Variants in MRTFA observed in about 807,000 individuals in gnomAD.
The protein encoded by MRTFA is myocardin-related transcription factor A.
A neutral mutation model predicts 83.5 loss-of-function variants in MRTFA; 20 were observed. The observed-to-expected ratio is 0.24, with a 90% CI of 0.17 to 0.35. The LOEUF is 0.35. Ranked by LOEUF, MRTFA falls within the 10% of genes least tolerant of loss-of-function variation. The pLI is 1.00. For missense variants in MRTFA, 1,200 were observed against 1,224.7 expected, an observed-to-expected ratio of 0.98 and a Z score of 0.30; for synonymous variants, 659 against 541.2, an observed-to-expected ratio of 1.22 and a Z score of -3.02.
chr22:40,413,634 G>A (rs111985546), intron 14 of MRTFA, among the ~76,000 whole-genome samples: 11,197 of 151,518 alleles, frequency 0.074, 607 homozygotes, highest in African/African-American at 0.15. Flanking sequence ...TAGTAAAGAC[G>A]GGGTTTCACC....
At chr22:40,476,708 C>T (rs1400862837) in intron 3 of MRTFA, among the ~76,000 whole-genome samples, 1 of 152,118 alleles carries the variant, frequency 6.6e-6, no homozygotes, top group African/African-American at 2.4e-5. Flanking sequence ...CCACCGCGGC[C>T]TCCCAAAGTG....
At chr22:40,520,784 C>T (rs1275431432) in intron 3 of MRTFA, among the ~76,000 whole-genome samples, 1 of 152,066 alleles carries the variant, frequency 6.6e-6, no homozygotes, top group Non-Finnish European at 1.5e-5. Context: ...TATGGATATA[C>T]CATATTTTGT....
rs149669889 is a variant in MRTFA, at chr22:40,423,987, C to T, written c.777+219G>A. On this transcript the variant is annotated intron_variant, in intron 8 of 14. Transcript: ENST00000355630. Reference sequence around the variant, plus strand: ...CCCACTGCAAGGCAGCCATGGCCAGCGTCGTCCTCCACCTGACCTCTGGCT... The same window carrying T: ...CCCACTGCAAGGCAGCCATGGCCAGTGTCGTCCTCCACCTGACCTCTGGCT... 3.9e-3 allele frequency among the ~76,000 whole-genome samples: 597 copies of T among 152,336 alleles called. 12 individuals carry two copies. Among genetic ancestry groups the T allele is most frequent in the Non-Finnish European group, 1.4e-3 (98 of 68,028 alleles).
chr22:40,426,438 T>G (rs908277470), intron 7 of MRTFA, among the ~76,000 whole-genome samples: 2 of 152,302 alleles, frequency 1.3e-5, no homozygotes, highest in African/African-American at 4.8e-5. Flanking sequence ...CACAGAACTA[T>G]TGAGCAAATG....
intron 1 of MRTFA, among the ~76,000 whole-genome samples, chr22:40,627,830 G>A (rs922446448): frequency 9.2e-5 from 14 of 152,200 alleles, no homozygotes; most frequent in East Asian, 5.8e-4. Flanking sequence ...AAATTTAGCC[G>A]GGCATGATGG....
At chr22:40,536,402 C>T (rs1456645377) in intron 3 of MRTFA, among the ~76,000 whole-genome samples, 4 of 150,524 alleles carry the variant, frequency 2.7e-5, no homozygotes, top group African/African-American at 4.9e-5. Flanking sequence ...GCGGCGCCGG[C>T]GAGCGCCGCC....
At chr22:40,417,864 G>A (rs751055203) in intron 12 of MRTFA, 4 of 261,144 alleles carry the variant, frequency 1.5e-5, no homozygotes, top group Admixed American at 1.5e-4. Flanking sequence ...GCAGGACCAC[G>A]AGGCTACATA....
intron 3 of MRTFA, among the ~76,000 whole-genome samples, chr22:40,484,658 C>T (rs1234457944): frequency 6.6e-6 from 1 of 152,148 alleles, no homozygotes; most frequent in Non-Finnish European, 1.5e-5. Flanking sequence ...TAAAGCAGAA[C>T]TTAAATAAAT....
intron 2 of MRTFA, among the ~76,000 whole-genome samples, chr22:40,574,440 A>ATTATTT (rs764460675): frequency 8.1e-5 from 12 of 147,786 alleles, no homozygotes; most frequent in East Asian, 4.0e-4. Context: ...TATTATTATT[A>ATTATTT]TTTTTTTTTT....
chr22:40,475,237 G>C (rs1470606033), intron 3 of MRTFA, among the ~76,000 whole-genome samples: 1 of 151,990 alleles, frequency 6.6e-6, no homozygotes, highest in African/African-American at 2.4e-5. Flanking sequence ...AACTGGCCCT[G>C]TCTTTAAGAT....
At chr22:40,609,468 C>G (rs1602491605) in intron 1 of MRTFA, among the ~76,000 whole-genome samples, 2 of 140,456 alleles carry the variant, frequency 1.4e-5, no homozygotes, top group East Asian at 4.2e-4. Context: ...CAGAGTGAGA[C>G]CCTGTCTCTT....
intron 3 of MRTFA, among the ~76,000 whole-genome samples, chr22:40,484,193 T>C (rs1311745876): frequency 6.6e-6 from 1 of 152,074 alleles, no homozygotes; most frequent in Non-Finnish European, 1.5e-5. Context: ...ATTCTCACTC[T>C]TCAGTCCTAA....
At chr22:40,591,944 T>C (rs979864972) in intron 2 of MRTFA, among the ~76,000 whole-genome samples, 33 of 152,194 alleles carry the variant, frequency 2.2e-4, no homozygotes, top group African/African-American at 7.2e-4. Flanking sequence ...TCTTCTTTCA[T>C]AGATATATGC....
At chr22:40,570,144 C>T (rs1339129899) in intron 2 of MRTFA, among the ~76,000 whole-genome samples, 1 of 152,108 alleles carries the variant, frequency 6.6e-6, no homozygotes, top group Non-Finnish European at 1.5e-5. Flanking sequence ...TAAAAGAATA[C>T]ATAAGTTTTA....
intron 1 of MRTFA, among the ~76,000 whole-genome samples, chr22:40,626,694 A>G (rs1245584652): frequency 6.6e-6 from 1 of 152,196 alleles, no homozygotes; most frequent in Non-Finnish European, 1.5e-5. Flanking sequence ...CCATCATATA[A>G]CTAAATACGA....
chr22:40,511,551 T>C (rs1237004187), intron 3 of MRTFA, among the ~76,000 whole-genome samples: 1 of 152,228 alleles, frequency 6.6e-6, no homozygotes, highest in Non-Finnish European at 1.5e-5. Context: ...AGTCACCTTT[T>C]CCCACTACAG....
At chr22:40,612,843 A>T (rs1368453156) in intron 1 of MRTFA, among the ~76,000 whole-genome samples, 3 of 152,104 alleles carry the variant, frequency 2.0e-5, no homozygotes. Context: ...GCTACTCAGG[A>T]GCCTAAGGTG....
intron 3 of MRTFA, among the ~76,000 whole-genome samples, chr22:40,503,015 T>G (rs967035955): frequency 2.0e-5 from 3 of 152,142 alleles, no homozygotes; most frequent in African/African-American, 7.2e-5. Flanking sequence ...CACACCCTCA[T>G]CTACGCACAG....
chr22:40,559,621 G>A (rs1297777416), intron 2 of MRTFA, among the ~76,000 whole-genome samples: 2 of 151,964 alleles, frequency 1.3e-5, no homozygotes, highest in African/African-American at 4.8e-5. Context: ...TGCCCAAGCT[G>A]GTCTCGAACT....
Sources: allele counts gnomAD v4.1 joint callset (sites outside exome capture counted in the v4.1 genomes callset), GRCh38; gene constraint gnomAD v4.1.1; transcripts MANE v1.5; gene names NCBI Gene and HGNC (gene_info 2026-07-23, HGNC 2026-07-21).